Variants in CCDC102B observed in about 807,000 individuals in gnomAD.
CCDC102B encodes coiled-coil domain-containing protein 102B.
CCDC102B carries 75 observed loss-of-function variants against 57.4 expected under a neutral mutation model. That is an observed-to-expected ratio of 1.31 (90% confidence interval 1.08 to 1.58). The LOEUF (loss-of-function observed/expected upper bound fraction) is 1.58. Ranked by LOEUF, CCDC102B falls within the 40% of genes most tolerant of loss-of-function variation. The probability of loss-of-function intolerance (pLI) is 0.00; values close to 1 mark genes in which losing one functional copy is unlikely to be tolerated. For missense variants in CCDC102B, 636 were observed against 582.6 expected, an observed-to-expected ratio of 1.09 and a Z score of -0.94; for synonymous variants, 206 against 201.9, an observed-to-expected ratio of 1.02 and a Z score of -0.17.
chr18:68,918,307 T>C (rs140470005), intron 6 of CCDC102B, among the ~76,000 whole-genome samples: 3 of 152,330 alleles, frequency 2.0e-5, no homozygotes, highest in African/African-American at 7.2e-5. Flanking sequence ...GTATCTCTAT[T>C]CCCTGACTTC....
At chr18:68,913,647 T>A (rs2040958388) in intron 6 of CCDC102B, among the ~76,000 whole-genome samples, 1 of 118,320 alleles carries the variant, frequency 8.5e-6, no homozygotes. Flanking sequence ...AGAGTGACAC[T>A]CGGTCTCAAA....
chr18:68,886,196 G>A (rs1443097072), intron 5 of CCDC102B, among the ~76,000 whole-genome samples: 4 of 151,844 alleles, frequency 2.6e-5, no homozygotes, highest in African/African-American at 9.7e-5. Flanking sequence ...GCTTAAGACT[G>A]TGCTTATCTC....
intron 6 of CCDC102B, among the ~76,000 whole-genome samples, chr18:68,948,503 T>G (rs2049602117): frequency 6.7e-6 from 1 of 149,522 alleles, no homozygotes; most frequent in Non-Finnish European, 1.5e-5. Context: ...TTTGGAAAAA[T>G]CAATGAAACA....
At chr18:68,945,202 A>G (rs139373563) in intron 6 of CCDC102B, among the ~76,000 whole-genome samples, 1 of 151,780 alleles carries the variant, frequency 6.6e-6, no homozygotes, top group African/African-American at 2.4e-5. Flanking sequence ...ATATAATTTG[A>G]ATAAATAAAT....
At chr18:68,833,850 T>C (rs1160898170) in intron 1 of CCDC102B, among the ~76,000 whole-genome samples, 1 of 152,172 alleles carries the variant, frequency 6.6e-6, no homozygotes, top group African/African-American at 2.4e-5. Flanking sequence ...GGTGGCCTGA[T>C]TGTATGAGCA....
At chr18:68,970,909 T>C (rs1283906476) in intron 6 of CCDC102B, among the ~76,000 whole-genome samples, 2 of 151,966 alleles carry the variant, frequency 1.3e-5, no homozygotes, top group Non-Finnish European at 2.9e-5. Flanking sequence ...ATAATTTGAC[T>C]CAATGGATAA....
In CCDC102B at chr18:68,741,406, G is replaced by A. The variant is rs533530108; in HGVS notation, c.-67+24812G>A. Among the ~76,000 whole-genome samples, 58 of 152,230 alleles carry A rather than the reference G, an allele frequency of 3.8e-4. 1 individual carries two copies. In the South Asian group the frequency reaches 8.1e-3, roughly 21 times the overall value. On this transcript the variant is annotated intron_variant, in intron 2 of 3. Transcript: ENST00000578970. ...ACATTTCCTCCTCACAAGAAAAGTT[G>A]ATGCCTCTGTCACTAAACAGAGCTC...
intron 7 of CCDC102B, among the ~76,000 whole-genome samples, chr18:69,035,482 G>A (rs56303538): frequency 0.079 from 11,931 of 151,978 alleles, 1,568 homozygotes; most frequent in African/African-American, 0.27. Context: ...ACAAAATTAC[G>A]ATAATCTAAT....
intron 6 of CCDC102B, 85 bp from the exon 7 acceptor site, chr18:69,010,849 T>C: frequency 1.0e-6 from 1 of 974,492 alleles, no homozygotes. Context: ...TAAAATGTTT[T>C]TCTCTTTTGT....
chr18:68,745,896 C>G (rs2145232671), intron 2 of CCDC102B, among the ~76,000 whole-genome samples: 1 of 152,178 alleles, frequency 6.6e-6, no homozygotes, highest in South Asian at 2.1e-4. Flanking sequence ...TTCATGTTGT[C>G]CAATGGCCTG....
At chr18:68,744,230 G>T (rs1186206205) in intron 2 of CCDC102B, among the ~76,000 whole-genome samples, 1 of 152,190 alleles carries the variant, frequency 6.6e-6, no homozygotes, top group African/African-American at 2.4e-5. Flanking sequence ...ATGAGATAGA[G>T]AAATAATTTT....
At chr18:68,927,662 T>C (rs943329021) in intron 6 of CCDC102B, among the ~76,000 whole-genome samples, 1 of 151,942 alleles carries the variant, frequency 6.6e-6, no homozygotes, top group African/African-American at 2.4e-5. Context: ...GAAAATCAAA[T>C]AGTAGCTAAT....
intron 4 of CCDC102B, among the ~76,000 whole-genome samples, chr18:68,852,407 G>C (rs2038169049): frequency 6.6e-6 from 1 of 152,140 alleles, no homozygotes; most frequent in African/African-American, 2.4e-5. Flanking sequence ...AGATGTTCAA[G>C]TCCCTTACAT....
chr18:68,806,888 A>G (rs921895197), intron 1 of CCDC102B, among the ~76,000 whole-genome samples: 1 of 152,178 alleles, frequency 6.6e-6, no homozygotes, highest in African/African-American at 2.4e-5. Context: ...ATCACAATTC[A>G]GGCGACCCTC....
intron 4 of CCDC102B, among the ~76,000 whole-genome samples, chr18:68,850,084 T>G (rs74864121): frequency 6.6e-6 from 1 of 152,252 alleles, no homozygotes; most frequent in African/African-American, 2.4e-5. Context: ...GCAAGGCATG[T>G]TGAGCAATGC....
At chr18:68,785,521 T>G (rs1407037208) in intron 2 of CCDC102B, among the ~76,000 whole-genome samples, 1 of 151,740 alleles carries the variant, frequency 6.6e-6, no homozygotes, top group Non-Finnish European at 1.5e-5. Flanking sequence ...ATTGCCATTC[T>G]AACTGGTGTG....
At chr18:68,773,923 T>G (rs2034725607) in intron 2 of CCDC102B, among the ~76,000 whole-genome samples, 5 of 152,052 alleles carry the variant, frequency 3.3e-5, no homozygotes. Context: ...TGCTTGTGCT[T>G]AAGAGTAAAA....
intron 1 of CCDC102B, among the ~76,000 whole-genome samples, chr18:68,814,469 T>A (rs1227540330): frequency 6.6e-6 from 1 of 152,144 alleles, no homozygotes; most frequent in Admixed American, 6.5e-5. Context: ...TATAGGACTT[T>A]GGACCAGAAA....
chr18:68,757,998 A>G (rs2034114388), intron 2 of CCDC102B, among the ~76,000 whole-genome samples: 2 of 152,062 alleles, frequency 1.3e-5, no homozygotes, highest in South Asian at 4.2e-4. Flanking sequence ...TATTAAAGAT[A>G]GCCTTTTCAC....
Sources: gnomAD v4.1 joint callset for allele counts (sites outside exome capture counted in the v4.1 genomes callset) on GRCh38, gnomAD v4.1.1 for gene constraint, MANE v1.5 for transcripts, NCBI Gene and HGNC (gene_info 2026-07-23, HGNC 2026-07-21) for gene names.